Variants in PRTFDC1 observed in about 807,000 individuals in gnomAD.
PRTFDC1 encodes the protein phosphoribosyl transferase domain containing 1, also known as phosphoribosyltransferase domain-containing protein 1.
In PRTFDC1, 38 loss-of-function variants were observed where a neutral mutation model predicts 34.6. The observed-to-expected ratio is 1.10, with a 90% CI of 0.85 to 1.44. The LOEUF (loss-of-function observed/expected upper bound fraction) is 1.44. PRTFDC1 is among the 40% of genes most tolerant of loss of function. PRTFDC1 has a pLI of 0.00. For synonymous variants in PRTFDC1, 93 were observed against 98.1 expected (o/e 0.95, Z 0.31); for missense variants, 270 against 283.0 (o/e 0.95, Z 0.33).
At chr10:24,899,331 A>G (rs568853681) in intron 3 of PRTFDC1, among the ~76,000 whole-genome samples, 1 of 152,202 alleles carries the variant, frequency 6.6e-6, no homozygotes, top group Admixed American at 6.5e-5. Flanking sequence ...TTGTGAGGTT[A>G]AAGCACAACT....
chr10:24,929,410 A>G (rs1848938446), intron 3 of PRTFDC1, among the ~76,000 whole-genome samples: 1 of 152,124 alleles, frequency 6.6e-6, no homozygotes, highest in Non-Finnish European at 1.5e-5. Flanking sequence ...TCTCGGCCCT[A>G]CTGTGGTTAC....
chr10:24,945,997 T>TGGCCCCA (rs1427419685), intron 1 of PRTFDC1, among the ~76,000 whole-genome samples: 1 of 152,300 alleles, frequency 6.6e-6, no homozygotes, highest in East Asian at 1.9e-4. Flanking sequence ...GAACCCTGAC[T>TGGCCCCA]GGCCCCAGGC....
At chr10:24,949,861 A>C (rs999445967) in intron 1 of PRTFDC1, among the ~76,000 whole-genome samples, 1 of 151,686 alleles carries the variant, frequency 6.6e-6, no homozygotes, top group Non-Finnish European at 1.5e-5. Context: ...CTGCCTCCCA[A>C]GTAGCTGTGA....
In PRTFDC1 at chr10:24,848,644, T is replaced by C. The variant is rs1292619300; in HGVS notation, c.*1200A>G. ...CATAACAAGTTTTCTTATTCTTTAT[T>C]AGTTTAAAGGAAGCTAGAACCTAAT... is the stretch of plus-strand genomic sequence containing the variant. On this transcript the variant is annotated 3_prime_UTR_variant, in exon 9 of 9. Coordinates refer to ENST00000320152, the MANE Select transcript of PRTFDC1 (RefSeq NM_020200.7). The C allele has an allele frequency of 1.3e-5, 2 of 152,182 alleles. No individual in the cohort carries two copies. The highest frequency in any genetic ancestry group is 2.9e-5 in the Non-Finnish European group (2 of 68,036). The allele number at this position is 152,182 out of a possible 1,614,324, so 9.4% of individuals were successfully genotyped here.
At chr10:24,920,595 G>A (rs1445567332) in intron 3 of PRTFDC1, among the ~76,000 whole-genome samples, 1 of 152,160 alleles carries the variant, frequency 6.6e-6, no homozygotes, top group East Asian at 1.9e-4. Context: ...TTAATACCTA[G>A]GTGATGGGTT....
At chr10:24,925,857 G>A (rs1848864237) in intron 3 of PRTFDC1, among the ~76,000 whole-genome samples, 1 of 152,180 alleles carries the variant, frequency 6.6e-6, no homozygotes, top group African/African-American at 2.4e-5. Flanking sequence ...GAACTCTGTG[G>A]AACTGCTAGG....
intron 3 of PRTFDC1, among the ~76,000 whole-genome samples, chr10:24,907,948 A>C (rs1848562435): frequency 6.6e-6 from 1 of 152,242 alleles, no homozygotes; most frequent in Admixed American, 6.5e-5. Context: ...CTAGGCAACA[A>C]AATGGCATGA....
chr10:24,946,257 G>A (rs1588628191), intron 1 of PRTFDC1, among the ~76,000 whole-genome samples: 4 of 151,996 alleles, frequency 2.6e-5, no homozygotes, highest in Middle Eastern at 3.2e-3. Context: ...ATGACTTACT[G>A]TCTCTGAGAT....
At chr10:24,898,463 C>CAAAAAAAAAAA (rs36004025) in intron 3 of PRTFDC1, among the ~76,000 whole-genome samples, 24 of 98,058 alleles carry the variant, frequency 2.4e-4, no homozygotes, top group African/African-American at 4.6e-4. Context: ...GACCCTGTCT[C>CAAAAAAAAAAA]AAAAAAAAAA....
At chr10:24,941,632 G>C (rs576534121) in intron 2 of PRTFDC1, among the ~76,000 whole-genome samples, 1 of 152,080 alleles carries the variant, frequency 6.6e-6, no homozygotes, top group South Asian at 2.1e-4. Context: ...TGATTCTCTT[G>C]TACAAAGAAA....
chr10:24,904,008 T>C (rs752821810), intron 3 of PRTFDC1, among the ~76,000 whole-genome samples: 17 of 152,236 alleles, frequency 1.1e-4, no homozygotes, highest in Admixed American at 2.0e-4. Flanking sequence ...TTCTAAGAAC[T>C]GTATTTGAAG....
chr10:24,856,556 C>G (rs1847579953), intron 6 of PRTFDC1, among the ~76,000 whole-genome samples: 1 of 151,992 alleles, frequency 6.6e-6, no homozygotes, highest in African/African-American at 2.4e-5. Flanking sequence ...CTACTGCACT[C>G]CAGCCCAGCC....
chr10:24,904,763 T>G (rs187241047), intron 3 of PRTFDC1, among the ~76,000 whole-genome samples: 17 of 152,346 alleles, frequency 1.1e-4, no homozygotes, highest in Admixed American at 5.2e-4. Flanking sequence ...ATCCTGTCCA[T>G]GTGCCCCTCT....
Position 24,849,590 on chromosome 10 carries a change from GATAGCA to G in PRTFDC1, c.*248_*253del, listed in dbSNP as rs1847446593. 4.7e-6 allele frequency: 2 copies of G among 426,932 alleles called. No homozygotes were observed. The highest frequency in any genetic ancestry group is 4.2e-6 in the Non-Finnish European group (1 of 238,892). The allele number at this position is 426,932 out of a possible 1,614,324, so 26.4% of individuals were successfully genotyped here. On this transcript the variant is annotated 3_prime_UTR_variant, in exon 9 of 9. Transcript: ENST00000320152. ...GGCGGAGCTCAGGAGTGTGAAGGTA[GATAGCA>G]TTGCTGAGTCACAAGGCGGAGTGTT... is the stretch of plus-strand genomic sequence containing the variant.
At chr10:24,951,430 T>A in intron 1 of PRTFDC1, 1 of 507,100 alleles carries the variant, frequency 2.0e-6, no homozygotes, top group Non-Finnish European at 2.5e-6. Context: ...GTGGAATGAA[T>A]AAATCAACTC....
At chr10:24,876,751 A>G (rs917198264) in intron 3 of PRTFDC1, among the ~76,000 whole-genome samples, 2 of 151,980 alleles carry the variant, frequency 1.3e-5, no homozygotes, top group Non-Finnish European at 2.9e-5. Flanking sequence ...GTCTCACTGT[A>G]TTGCCCAGGC....
intron 3 of PRTFDC1, among the ~76,000 whole-genome samples, chr10:24,928,751 C>A (rs1848920707): frequency 6.6e-6 from 1 of 151,676 alleles, no homozygotes; most frequent in East Asian, 2.0e-4. Flanking sequence ...GAAAAAGAAG[C>A]TTTCGGCTGA....
intron 3 of PRTFDC1, among the ~76,000 whole-genome samples, chr10:24,879,539 G>A (rs1848029912): frequency 6.6e-6 from 1 of 151,848 alleles, no homozygotes; most frequent in Non-Finnish European, 1.5e-5. Flanking sequence ...AGAGAGATAG[G>A]GTTTCACCAT....
At chr10:24,906,673 C>T (rs893383534) in intron 3 of PRTFDC1, among the ~76,000 whole-genome samples, 36 of 152,190 alleles carry the variant, frequency 2.4e-4, no homozygotes, top group African/African-American at 8.0e-4. Flanking sequence ...TTAACTGGAA[C>T]GTTTTTACTT....
Sources: gnomAD v4.1 joint callset for allele counts (sites outside exome capture counted in the v4.1 genomes callset) on GRCh38, gnomAD v4.1.1 for gene constraint, MANE v1.5 for transcripts, NCBI Gene and HGNC (gene_info 2026-07-23, HGNC 2026-07-21) for gene names.